The following CERKL variants were observed in gnomAD, a reference collection of about 807,000 sequenced individuals.
CERKL encodes the protein ceramide kinase-like protein.
A neutral mutation model predicts 63.4 loss-of-function variants in CERKL; 61 were observed. The ratio of observed to expected loss-of-function variants is 0.96; its 90% confidence interval spans 0.78 to 1.19. CERKL has a LOEUF of 1.19. Among genes scored for constraint, CERKL ranks in the 50% most tolerant of loss-of-function variants. The probability of loss-of-function intolerance (pLI) is 0.00; values close to 1 mark genes in which losing one functional copy is unlikely to be tolerated. For missense variants in CERKL, 675 were observed against 655.5 expected (o/e 1.03, Z -0.33); for synonymous variants, 250 against 230.5 (o/e 1.08, Z -0.77).
chr2:181,598,840 C>T (rs1685336321), intron 2 of CERKL, among the ~76,000 whole-genome samples: 1 of 151,170 alleles, frequency 6.6e-6, no homozygotes, highest in Non-Finnish European at 1.5e-5. Context: ...AATGATCACA[C>T]ACAACATACA....
In CERKL at chr2:181,537,023, G is replaced by C. The variant is rs1009996971; in HGVS notation, c.*1161C>G. 1 of 446,384 alleles carries C rather than the reference G, an allele frequency of 2.2e-6. No homozygotes were observed. The allele number at this position is 446,384 out of a possible 1,614,324, so 27.7% of individuals were successfully genotyped here. On this transcript the variant is annotated 3_prime_UTR_variant, in exon 13 of 13. Coordinates refer to ENST00000410087, the MANE Select transcript of CERKL (RefSeq NM_201548.5). ...CTGCAGTGATGGTGAGGAATGTTCT[G>C]AGATTTGCGAAGGCATTTGAGTAGT... is the stretch of plus-strand genomic sequence containing the variant.
chr2:181,606,706 T>G (rs1159323821), intron 1 of CERKL, among the ~76,000 whole-genome samples: 8 of 152,078 alleles, frequency 5.3e-5, no homozygotes, highest in Non-Finnish European at 1.5e-5. Flanking sequence ...CCTGGTCCAT[T>G]TCTACAGTCA....
At chr2:181,648,037 AAACT>A (rs1030988674) in intron 1 of CERKL, among the ~76,000 whole-genome samples, 1 of 152,192 alleles carries the variant, frequency 6.6e-6, no homozygotes, top group Non-Finnish European at 1.5e-5. Flanking sequence ...AGTTTAAAAA[AAACT>A]AAGCAAAGAA....
At chr2:181,610,160 A>C (rs563448354) in intron 1 of CERKL, among the ~76,000 whole-genome samples, 1 of 152,360 alleles carries the variant, frequency 6.6e-6, no homozygotes, top group South Asian at 2.1e-4. Context: ...TTAATCAAGA[A>C]AAACACTTTA....
At chr2:181,608,772 G>C (rs16867458) in intron 1 of CERKL, among the ~76,000 whole-genome samples, 20,920 of 152,084 alleles carry the variant, frequency 0.14, 1,649 homozygotes, top group East Asian at 0.26. Flanking sequence ...GGATTTAAGG[G>C]GAAAGGAGGA....
At chr2:181,607,401 G>C (rs1218292326) in intron 1 of CERKL, among the ~76,000 whole-genome samples, 1 of 152,182 alleles carries the variant, frequency 6.6e-6, no homozygotes, top group African/African-American at 2.4e-5. Flanking sequence ...GTCACAGACT[G>C]AACAGTGAGA....
At chr2:181,598,000 T>A (rs887187669) in intron 2 of CERKL, among the ~76,000 whole-genome samples, 3 of 152,138 alleles carry the variant, frequency 2.0e-5, no homozygotes, top group Non-Finnish European at 2.9e-5. Context: ...AAGGAACGGA[T>A]ATGGAGAGGG....
In CERKL at chr2:181,536,838, G is replaced by C. The variant is rs769758552; in HGVS notation, c.*1346C>G. The C allele has an allele frequency of 2.6e-6, 1 of 386,546 alleles. No individual in the cohort carries two copies. Among genetic ancestry groups the C allele is most frequent in the South Asian group, 2.0e-5 (1 of 50,146 alleles). The allele number at this position is 386,546 out of a possible 1,614,324, so 23.9% of individuals were successfully genotyped here. A position where few individuals can be genotyped will look rare whatever the true frequency, so the allele number is the denominator to read the frequency against. ...GCAGAATATCATTTTATCTGACTCT[G>C]CCTTCATAAGAGAGCTGTGGCCGAA... On this transcript the variant is annotated 3_prime_UTR_variant, in exon 13 of 13. Coordinates refer to ENST00000410087, the MANE Select transcript of CERKL (RefSeq NM_201548.5).
chr2:181,565,642 GT>G (rs1688634423), intron 4 of CERKL: 1 of 760,782 alleles, frequency 1.3e-6, no homozygotes, highest in Non-Finnish European at 2.2e-6. Flanking sequence ...TCACAGACAA[GT>G]TAACCAATGG....
At chr2:181,641,302 CATATATATATATAT>C (rs1174454591) in intron 1 of CERKL, among the ~76,000 whole-genome samples, 7 of 97,122 alleles carry the variant, frequency 7.2e-5, no homozygotes, top group African/African-American at 2.7e-4. Flanking sequence ...TATGTGTATG[CATATATATATATAT>C]ATATATATAT....
At position 181,645,727 on chromosome 2, in the gene CERKL, A is replaced by G. The variant is rs568173841; in HGVS notation, c.238+11042T>C. ...GCTTAAAAATGGTATCACCTGCCCAATGATTACTAGTCCCAAGAGTACTTC... is the reference window on the plus strand; with the variant it reads ...GCTTAAAAATGGTATCACCTGCCCAGTGATTACTAGTCCCAAGAGTACTTC... On this transcript the variant is annotated intron_variant, in intron 1 of 12. Coordinates refer to ENST00000410087, the MANE Select transcript of CERKL (RefSeq NM_201548.5). 8.2e-4 allele frequency among the ~76,000 whole-genome samples: 125 copies of G among 152,352 alleles called. 1 individual carries two copies. The highest frequency in any genetic ancestry group is 2.8e-3 in the African/African-American group (116 of 41,586).
intron 1 of CERKL, among the ~76,000 whole-genome samples, chr2:181,628,015 C>T (rs193188138): frequency 1.6e-4 from 24 of 152,180 alleles, no homozygotes; most frequent in African/African-American, 3.6e-4. Flanking sequence ...ATAAGATACA[C>T]GACAGGAATC....
intron 2 of CERKL, among the ~76,000 whole-genome samples, chr2:181,577,264 C>A (rs1684279846): frequency 6.6e-6 from 1 of 152,126 alleles, no homozygotes; most frequent in Non-Finnish European, 1.5e-5. Context: ...GAGTTTAAGT[C>A]TTCAGGGAGT....
intron 1 of CERKL, among the ~76,000 whole-genome samples, chr2:181,647,753 C>T (rs571963095): frequency 6.6e-6 from 1 of 152,026 alleles, no homozygotes; most frequent in African/African-American, 2.4e-5. Context: ...TCTCTAGTAA[C>T]AGACCCCAAA....
chr2:181,585,822 T>C (rs770630459), intron 2 of CERKL, among the ~76,000 whole-genome samples: 2 of 152,170 alleles, frequency 1.3e-5, no homozygotes, highest in Non-Finnish European at 2.9e-5. Context: ...TCATCAGTGA[T>C]AAAATCAGAC....
Position 181,595,197 on chromosome 2 carries a change from T to C in CERKL, c.481+8640A>G, listed in dbSNP as rs546284440. Among the ~76,000 whole-genome samples, 3 of 148,056 alleles carry C rather than the reference T, an allele frequency of 2.0e-5. No individual in the cohort carries two copies. In the South Asian group the frequency reaches 6.3e-4, roughly 31 times the overall value. ...CCTGGTAATCTGTCACAAATCAGTGTGTTTATATGTGTTTTTAAAATTCCT... is the reference window on the plus strand; with the variant it reads ...CCTGGTAATCTGTCACAAATCAGTGCGTTTATATGTGTTTTTAAAATTCCT... On this transcript the variant is annotated intron_variant, in intron 2 of 12. Transcript: ENST00000410087.
intron 5 of CERKL, among the ~76,000 whole-genome samples, chr2:181,551,452 CTTAAACATA>C: frequency 6.6e-6 from 1 of 152,012 alleles, no homozygotes; most frequent in Non-Finnish European, 1.5e-5. Context: ...CTACAAGGAA[CTTAAACATA>C]TTTATAAGAA....
chr2:181,582,537 G>GGTT (rs1684564837), intron 2 of CERKL, among the ~76,000 whole-genome samples: 1 of 118,860 alleles, frequency 8.4e-6, no homozygotes, highest in African/African-American at 3.4e-5. Context: ...ATATATATAT[G>GGTT]TTTTTTTTTT....
intron 2 of CERKL, among the ~76,000 whole-genome samples, chr2:181,587,812 T>A (rs183326776): frequency 6.6e-6 from 1 of 152,230 alleles, no homozygotes; most frequent in East Asian, 1.9e-4. Context: ...TTTCAAAGTA[T>A]CCTTTCTGGA....
Sources: allele counts gnomAD v4.1 joint callset (sites outside exome capture counted in the v4.1 genomes callset), GRCh38; gene constraint gnomAD v4.1.1; transcripts MANE v1.5; gene names NCBI Gene and HGNC (gene_info 2026-07-23, HGNC 2026-07-21).